Variants in MAPK10 observed in about 807,000 individuals in gnomAD.
The protein encoded by MAPK10 is JNK3 alpha protein kinase.
A neutral mutation model predicts 59.3 loss-of-function variants in MAPK10; 25 were observed. The ratio of observed to expected loss-of-function variants is 0.42; its 90% confidence interval spans 0.31 to 0.59. MAPK10 has a LOEUF of 0.59. MAPK10 is among the 20% of genes least tolerant of loss of function. The pLI is 0.15. For synonymous variants in MAPK10, 190 were observed against 200.5 expected (o/e 0.95, Z 0.44); for missense variants, 351 against 568.9 (o/e 0.62, Z 3.90).
At chr4:86,497,398 C>T (rs1021785053) in intron 1 of MAPK10, among the ~76,000 whole-genome samples, 2 of 152,172 alleles carry the variant, frequency 1.3e-5, no homozygotes, top group Non-Finnish European at 2.9e-5. Context: ...TCCTCAGGCT[C>T]CTTGGCTCTG....
chr4:86,391,508 A>G (rs1476611062), intron 1 of MAPK10, among the ~76,000 whole-genome samples: 1 of 152,162 alleles, frequency 6.6e-6, no homozygotes, highest in Non-Finnish European at 1.5e-5. Flanking sequence ...GTCACTCCAT[A>G]TCAAGCCAAG....
chr4:86,588,251 T>C (rs1305293761), intron 1 of MAPK10, among the ~76,000 whole-genome samples: 2 of 152,188 alleles, frequency 1.3e-5, no homozygotes, highest in African/African-American at 4.8e-5. Flanking sequence ...GAACAACCCA[T>C]ATGCCACTTA....
chr4:86,251,243 T>C (rs552088269), intron 2 of MAPK10, among the ~76,000 whole-genome samples: 3 of 152,188 alleles, frequency 2.0e-5, no homozygotes, highest in South Asian at 4.1e-4. Context: ...GTTACATATG[T>C]ATACATGTGC....
intron 13 of MAPK10, among the ~76,000 whole-genome samples, chr4:86,018,770 G>A (rs937272467): frequency 3.3e-5 from 5 of 152,200 alleles, no homozygotes; most frequent in African/African-American, 7.2e-5. Flanking sequence ...AATCAAATAA[G>A]AGATGAGGAA....
chr4:86,333,755 C>T (rs918822900), intron 2 of MAPK10, among the ~76,000 whole-genome samples: 49 of 152,164 alleles, frequency 3.2e-4, no homozygotes, highest in African/African-American at 1.1e-3. Context: ...CTTTCTGGGG[C>T]TCACATATTT....
chr4:86,287,108 A>C (rs542879297), intron 2 of MAPK10, among the ~76,000 whole-genome samples: 14 of 152,286 alleles, frequency 9.2e-5, no homozygotes, highest in African/African-American at 3.4e-4. Flanking sequence ...AAAAGGAGGA[A>C]CATTTACCCA....
chr4:86,193,083 C>T (rs1422481409), intron 3 of MAPK10: 2 of 152,274 alleles, frequency 1.3e-5, no homozygotes, highest in South Asian at 2.1e-4. Flanking sequence ...TCCTGTTTGC[C>T]TGAGTAACAC....
At chr4:86,238,759 G>A (rs951407720) in intron 2 of MAPK10, among the ~76,000 whole-genome samples, 1 of 152,072 alleles carries the variant, frequency 6.6e-6, no homozygotes, top group Admixed American at 6.6e-5. Flanking sequence ...GAGATGATGG[G>A]ATTTTCTAAA....
Position 86,107,166 on chromosome 4 carries a change from T to G in MAPK10, c.366+57A>C, listed in dbSNP as rs1561778138. ...TTCTTACTCAAGTACAGACACATTT[T>G]CTTTTTCCAATCTTACAAACTCCCA... On this transcript the variant is annotated intron_variant, in intron 5 of 13. Coordinates refer to ENST00000641462, the MANE Select transcript of MAPK10 (RefSeq NM_138982.4). The G allele has an allele frequency of 4.9e-6, 7 of 1,432,386 alleles. No individual in the cohort carries two copies. The Admixed American group carries it at 1.3e-4, about 27-fold the overall frequency. The allele number at this position is 1,432,386 out of a possible 1,614,324, so 88.7% of individuals were successfully genotyped here. A position where few individuals can be genotyped will look rare whatever the true frequency, so the allele number is the denominator to read the frequency against.
At position 86,019,210 on chromosome 4, in the gene MAPK10, C is replaced by A. The variant is rs543712819; in HGVS notation, c.1253-1840G>T. Among the ~76,000 whole-genome samples the A allele has an allele frequency of 2.6e-5, 4 of 152,228 alleles. No individual in the cohort carries two copies. In the East Asian group the frequency reaches 7.7e-4, roughly 29 times the overall value. On this transcript the variant is annotated intron_variant, in intron 13 of 13. Coordinates refer to ENST00000641462, the MANE Select transcript of MAPK10 (RefSeq NM_138982.4). ...TTTCATATATTTCTTCCCGGTCATTCTTTTTGCCTGGAAGTTTCCCTGGTC... is the reference window on the plus strand; with the variant it reads ...TTTCATATATTTCTTCCCGGTCATTATTTTTGCCTGGAAGTTTCCCTGGTC...
chr4:86,353,971 C>T (rs1193387388), intron 2 of MAPK10, among the ~76,000 whole-genome samples: 3 of 152,080 alleles, frequency 2.0e-5, no homozygotes, highest in Non-Finnish European at 4.4e-5. Flanking sequence ...TAAAGTCATT[C>T]CAACTAGGCA....
At chr4:86,492,322 G>C (rs960489734) in intron 1 of MAPK10, among the ~76,000 whole-genome samples, 1 of 152,168 alleles carries the variant, frequency 6.6e-6, no homozygotes, top group African/African-American at 2.4e-5. Flanking sequence ...CAGGAGCTGT[G>C]GACAATTCTT....
At chr4:86,593,633 T>C (rs1763275700) in intron 1 of MAPK10, 1 of 152,176 alleles carries the variant, frequency 6.6e-6, no homozygotes, top group South Asian at 2.1e-4. Context: ...ATTTACAAAC[T>C]TTTTTCAAAA....
chr4:86,170,156 C>A, intron 3 of MAPK10, among the ~76,000 whole-genome samples: 1 of 151,284 alleles, frequency 6.6e-6, no homozygotes, highest in East Asian at 1.9e-4. Flanking sequence ...CATCAACTAA[C>A]GAGCAAAATA....
Position 86,070,176 on chromosome 4 carries a change from G to C in MAPK10, c.803-2221C>G, listed in dbSNP as rs904277574. ...GTTCATACTGCAAATCTGAGTTACA[G>C]TGATCTTTAAAAGTCTGTGTCTTTA... On this transcript the variant is annotated intron_variant, in intron 9 of 13. Transcript: ENST00000641462. Among the ~76,000 whole-genome samples the C allele has an allele frequency of 5.3e-5, 8 of 152,214 alleles. No individual in the cohort carries two copies. In the East Asian group the frequency reaches 1.5e-3, roughly 29 times the overall value.
chr4:86,076,020 A>C (rs1462406745), intron 9 of MAPK10, among the ~76,000 whole-genome samples: 1 of 151,804 alleles, frequency 6.6e-6, no homozygotes, highest in East Asian at 1.9e-4. Flanking sequence ...GTTTGATCTC[A>C]GACTGCTGTG....
intron 1 of MAPK10, among the ~76,000 whole-genome samples, chr4:86,490,778 A>C (rs2149075101): frequency 6.6e-6 from 1 of 152,310 alleles, no homozygotes; most frequent in South Asian, 2.1e-4. Context: ...TTTCTAATCT[A>C]AACAAAGGTA....
At chr4:86,581,487 G>C (rs1241556856) in intron 1 of MAPK10, among the ~76,000 whole-genome samples, 1 of 151,908 alleles carries the variant, frequency 6.6e-6, no homozygotes, top group African/African-American at 2.4e-5. Flanking sequence ...AAATTAAGTC[G>C]AGATTCTTCA....
Position 86,179,129 on chromosome 4 carries a change from G to T in MAPK10, c.66+15207C>A, listed in dbSNP as rs1219709621. Among the ~76,000 whole-genome samples the T allele has an allele frequency of 3.9e-5, 6 of 152,192 alleles. No homozygotes were observed. In the South Asian group the frequency reaches 1.2e-3, roughly 32 times the overall value. On this transcript the variant is annotated intron_variant, in intron 3 of 13. Transcript: ENST00000641462. ...AGGCAGGAGAATCACTTGAACCTGG[G>T]AAGTGGAGGTTGCAGTGAGCCAAGA...
Sources: allele counts gnomAD v4.1 joint callset (sites outside exome capture counted in the v4.1 genomes callset), GRCh38; gene constraint gnomAD v4.1.1; transcripts MANE v1.5; gene names NCBI Gene and HGNC (gene_info 2026-07-23, HGNC 2026-07-21).